The following LIN7A variants were observed in gnomAD, a reference collection of about 807,000 sequenced individuals.
LIN7A encodes the protein lin-7 cell polarity scaffold A, also known as protein lin-7 homolog A.
Under a neutral mutation model 29.8 loss-of-function variants are expected in LIN7A, and 25 were observed. The ratio of observed to expected loss-of-function variants is 0.84; its 90% CI spans 0.61 to 1.17. The LOEUF (loss-of-function observed/expected upper bound fraction) is 1.17, where lower values mean the gene tolerates loss of function less well. LIN7A is among the 50% of genes most tolerant of loss of function. The pLI is 0.00. For synonymous variants in LIN7A, 118 were observed against 107.5 expected (o/e 1.10, Z -0.60); for missense variants, 239 against 287.0 (o/e 0.83, Z 1.21).
At chr12:80,831,320 A>G (rs1054219645) in intron 4 of LIN7A, among the ~76,000 whole-genome samples, 1 of 152,188 alleles carries the variant, frequency 6.6e-6, no homozygotes, top group Non-Finnish European at 1.5e-5. Flanking sequence ...CAGTTAATAT[A>G]TTACTGAAAG....
intron 1 of LIN7A, among the ~76,000 whole-genome samples, chr12:80,901,963 G>A (rs577194525): frequency 6.6e-6 from 1 of 152,144 alleles, no homozygotes; most frequent in South Asian, 2.1e-4. Context: ...GGTGAATAGT[G>A]CATCTATTTT....
chr12:80,841,423 C>A (rs974186075), intron 4 of LIN7A, among the ~76,000 whole-genome samples: 2 of 151,678 alleles, frequency 1.3e-5, no homozygotes, highest in Non-Finnish European at 2.9e-5. Flanking sequence ...AAAGAAAGTA[C>A]GAACAGCACC....
At chr12:80,850,862 A>C (rs1383407866) in intron 2 of LIN7A, among the ~76,000 whole-genome samples, 2 of 152,188 alleles carry the variant, frequency 1.3e-5, no homozygotes, top group Non-Finnish European at 2.9e-5. Context: ...GTATATATTT[A>C]ATGAGAAATC....
intron 1 of LIN7A, among the ~76,000 whole-genome samples, chr12:80,917,639 T>C (rs1332303504): frequency 6.6e-6 from 1 of 152,218 alleles, no homozygotes; most frequent in Admixed American, 6.5e-5. Flanking sequence ...TTTTCAAATT[T>C]ACCTATTATT....
At chr12:80,808,101 C>G (rs1871128186) in intron 5 of LIN7A, among the ~76,000 whole-genome samples, 2 of 152,172 alleles carry the variant, frequency 1.3e-5, no homozygotes, top group Admixed American at 1.3e-4. Context: ...ACTCACTATT[C>G]TCTAACTACT....
At chr12:80,847,969 T>C (rs1323939570) in intron 3 of LIN7A, 3 of 483,430 alleles carry the variant, frequency 6.2e-6, no homozygotes, top group Non-Finnish European at 1.1e-5. Flanking sequence ...GAAAATCATA[T>C]AGTATTTCAC....
chr12:80,877,149 C>G, intron 2 of LIN7A, among the ~76,000 whole-genome samples: 1 of 129,472 alleles, frequency 7.7e-6, no homozygotes. Flanking sequence ...GTTAAATATT[C>G]TTATACTTCA....
rs117867009 is a variant in LIN7A, at chr12:80,909,112, A to G, written c.83-19743T>C. Among the ~76,000 whole-genome samples the G allele has an allele frequency of 5.7e-4, 87 of 152,232 alleles. 1 individual carries two copies. In the East Asian group the frequency reaches 0.011, roughly 19 times the overall value. ...TAATATTGGTTTAGGTCTTACATTT[A>G]CATTTTTGGCCCATTTTGAGTTAAT... On this transcript the variant is annotated intron_variant, in intron 1 of 5. Transcript: ENST00000552864.
intron 4 of LIN7A, among the ~76,000 whole-genome samples, chr12:80,831,258 T>C (rs1214564294): frequency 1.3e-5 from 2 of 152,170 alleles, no homozygotes; most frequent in South Asian, 2.1e-4. Context: ...TTTTGTCGAT[T>C]TATTGCCCTA....
intron 4 of LIN7A, among the ~76,000 whole-genome samples, chr12:80,815,390 T>C (rs1871485516): frequency 6.6e-6 from 1 of 152,226 alleles, no homozygotes; most frequent in African/African-American, 2.4e-5. Flanking sequence ...TGCAAGCCCT[T>C]CACAGGTATT....
At chr12:80,866,229 A>G (rs1473141001) in intron 2 of LIN7A, among the ~76,000 whole-genome samples, 5 of 152,240 alleles carry the variant, frequency 3.3e-5, no homozygotes, top group Admixed American at 1.3e-4. Flanking sequence ...TATTTAATGG[A>G]TACAAAGCTT....
intron 2 of LIN7A, among the ~76,000 whole-genome samples, chr12:80,875,206 G>A (rs1040987552): frequency 3.9e-5 from 6 of 151,972 alleles, no homozygotes; most frequent in Non-Finnish European, 8.8e-5. Flanking sequence ...ATAAAATTAC[G>A]TTTACAGTAG....
intron 2 of LIN7A, among the ~76,000 whole-genome samples, chr12:80,856,151 A>C (rs1442724348): frequency 6.6e-6 from 1 of 152,216 alleles, no homozygotes; most frequent in Admixed American, 6.5e-5. Context: ...TATACAAGTC[A>C]TGTCTACTAC....
intron 2 of LIN7A, among the ~76,000 whole-genome samples, chr12:80,849,015 A>G (rs1873204589): frequency 1.3e-5 from 2 of 152,242 alleles, no homozygotes; most frequent in South Asian, 4.2e-4. Context: ...ACTGGCTCAT[A>G]ATTTCTCAAA....
intron 2 of LIN7A, among the ~76,000 whole-genome samples, chr12:80,869,227 G>T (rs976917026): frequency 1.3e-5 from 2 of 151,634 alleles, no homozygotes; most frequent in Admixed American, 6.6e-5. Context: ...TGAGACAAAT[G>T]AACAGAATTC....
intron 1 of LIN7A, among the ~76,000 whole-genome samples, chr12:80,914,342 C>G (rs576609201): frequency 6.6e-6 from 1 of 152,142 alleles, no homozygotes; most frequent in African/African-American, 2.4e-5. Context: ...TTTGGGAAAC[C>G]CATTATTTTC....
At chr12:80,819,790 G>A (rs1372107551) in intron 4 of LIN7A, among the ~76,000 whole-genome samples, 1 of 152,202 alleles carries the variant, frequency 6.6e-6, no homozygotes, top group Non-Finnish European at 1.5e-5. Flanking sequence ...ACTTGGAACA[G>A]TGCCTAGGAT....
At chr12:80,898,666 T>C (rs191361682) in intron 1 of LIN7A, among the ~76,000 whole-genome samples, 154 of 152,276 alleles carry the variant, frequency 1.0e-3, no homozygotes, top group African/African-American at 3.5e-3. Context: ...CTTTGAGAAG[T>C]GTTTTGTAAT....
chr12:80,906,733 G>T (rs1367277515), intron 1 of LIN7A, among the ~76,000 whole-genome samples: 2 of 152,042 alleles, frequency 1.3e-5, no homozygotes, highest in South Asian at 2.1e-4. Context: ...CTGATTACCT[G>T]GGTGACAAAG....
Sources: gnomAD v4.1 joint callset for allele counts (sites outside exome capture counted in the v4.1 genomes callset) on GRCh38, gnomAD v4.1.1 for gene constraint, MANE v1.5 for transcripts, NCBI Gene and HGNC (gene_info 2026-07-23, HGNC 2026-07-21) for gene names.